TNPO3: variants seen among roughly 807,000 people sequenced by gnomAD.
TNPO3 encodes the protein transportin 3.
Under a neutral mutation model 122.8 loss-of-function variants are expected in TNPO3, and 65 were observed. The ratio of observed to expected loss-of-function variants is 0.53; its 90% confidence interval spans 0.43 to 0.65. The LOEUF (loss-of-function observed/expected upper bound fraction) is 0.65, where lower values mean the gene tolerates loss of function less well. TNPO3 is among the 30% of genes least tolerant of loss of function. The pLI is 0.00. For synonymous variants in TNPO3, 372 were observed against 411.2 expected, an observed-to-expected ratio of 0.90 and a Z score of 1.15; for missense variants, 850 against 1,136.7, an observed-to-expected ratio of 0.75 and a Z score of 3.63.
chr7:129,048,000 T>A (rs1471242605), intron 1 of TNPO3, among the ~76,000 whole-genome samples: 1 of 152,058 alleles, frequency 6.6e-6, no homozygotes, highest in African/African-American at 2.4e-5. Context: ...GTGAGAGAAG[T>A]GCTTGAGCCC....
intron 21 of TNPO3, among the ~76,000 whole-genome samples, chr7:128,962,296 T>C (rs1025294823): frequency 1.1e-4 from 16 of 141,702 alleles, no homozygotes; most frequent in South Asian, 4.4e-4. Flanking sequence ...ACCCGGGAAG[T>C]GGAGCTTGCA....
At chr7:129,001,277 T>C in intron 5 of TNPO3, 43 bp from the exon 6 acceptor site, 2 of 1,558,594 alleles carry the variant, frequency 1.3e-6, no homozygotes, top group Non-Finnish European at 1.8e-6. Flanking sequence ...GTATGATCAC[T>C]AAGGAGTGAT....
intron 4 of TNPO3, among the ~76,000 whole-genome samples, chr7:129,013,904 T>TG (rs112385225): frequency 0.016 from 2,443 of 152,132 alleles, 71 homozygotes; most frequent in African/African-American, 0.057. Flanking sequence ...ACTGCTATGT[T>TG]GGAGTGAAAA....
chr7:128,970,304 GTCT>G lies in TNPO3; in HGVS notation c.2439_2441del (p.Glu813del). 1 of 1,600,230 alleles carries G rather than the reference GTCT, an allele frequency of 6.2e-7. No homozygotes were observed. Among genetic ancestry groups the G allele is most frequent in the East Asian group, 2.2e-5 (1 of 44,608 alleles). On this transcript the variant is annotated inframe_deletion, in exon 20 of 23. Transcript: ENST00000265388. ...CAATCAGTTCTTTCCGTAATTCAAA[GTCT>G]TCTTCATGCTGTATGTAGGAAAGCA...
chr7:128,987,906 T>A (rs963580066), intron 11 of TNPO3, among the ~76,000 whole-genome samples: 1 of 151,692 alleles, frequency 6.6e-6, no homozygotes, highest in African/African-American at 2.4e-5. Context: ...TAAAGGTCAT[T>A]GTGAGTACTT....
At chr7:129,007,357 T>C (rs79495221) in intron 4 of TNPO3, among the ~76,000 whole-genome samples, 9,778 of 152,258 alleles carry the variant, frequency 0.064, 659 homozygotes, top group African/African-American at 0.17. Flanking sequence ...AAGATATGAT[T>C]AATATCAAGG....
At chr7:128,992,631 C>T (rs1419002866) in intron 9 of TNPO3, among the ~76,000 whole-genome samples, 3 of 152,036 alleles carry the variant, frequency 2.0e-5, no homozygotes, top group African/African-American at 7.2e-5. Context: ...TGTTCTGGTC[C>T]ACAATTTCCC....
chr7:129,020,445 T>C (rs1177183135), intron 1 of TNPO3, among the ~76,000 whole-genome samples: 1 of 152,172 alleles, frequency 6.6e-6, no homozygotes, highest in African/African-American at 2.4e-5. Flanking sequence ...TAATATCTTT[T>C]TATTTTATTT....
intron 1 of TNPO3, chr7:129,028,940 G>A: frequency 2.3e-6 from 1 of 438,954 alleles, no homozygotes; most frequent in Non-Finnish European, 4.5e-6. Flanking sequence ...CTTCCTTGAT[G>A]AAGGTTTTAC....
rs754149912 is a variant in TNPO3, at chr7:128,989,947, G to C, written c.1498+14C>G. On this transcript the variant is annotated intron_variant, in intron 11 of 22. Coordinates refer to ENST00000265388, the MANE Select transcript of TNPO3 (RefSeq NM_012470.4). Reference sequence around the variant, plus strand: ...GACAAGTTAGAAGTGGCAGAGGAGAGAGATTACACATACCAAGGAACTGAG... The same window carrying C: ...GACAAGTTAGAAGTGGCAGAGGAGACAGATTACACATACCAAGGAACTGAG... 4 of 1,607,308 alleles carry C rather than the reference G, an allele frequency of 2.5e-6. No homozygotes were observed. In the South Asian group the frequency reaches 3.3e-5, roughly 13 times the overall value.
chr7:128,973,905 G>A (rs1263383848), intron 18 of TNPO3, among the ~76,000 whole-genome samples: 2 of 151,874 alleles, frequency 1.3e-5, no homozygotes, highest in East Asian at 3.9e-4. Flanking sequence ...CAGGTACGGT[G>A]GCTCACGCCT....
intron 4 of TNPO3, among the ~76,000 whole-genome samples, chr7:129,006,162 T>C (rs1259605575): frequency 6.6e-6 from 1 of 152,218 alleles, no homozygotes; most frequent in African/African-American, 2.4e-5. Context: ...GCTATTATTG[T>C]CTCTACTTTC....
intron 1 of TNPO3, among the ~76,000 whole-genome samples, chr7:129,036,583 T>A (rs1033414692): frequency 3.9e-5 from 6 of 152,216 alleles, no homozygotes; most frequent in African/African-American, 1.4e-4. Flanking sequence ...AATGTCAAAT[T>A]TCTTGAGAGT....
intron 21 of TNPO3, 65 bp downstream of exon 21, chr7:128,967,215 T>C: frequency 9.4e-7 from 1 of 1,061,470 alleles, no homozygotes; most frequent in Non-Finnish European, 1.5e-6. Flanking sequence ...CAAGGGCACA[T>C]AAGAAATAAA....
intron 1 of TNPO3, among the ~76,000 whole-genome samples, chr7:129,047,559 T>TAAAAC (rs1808199931): frequency 2.0e-5 from 3 of 152,192 alleles, no homozygotes. Flanking sequence ...AATGGCTGTT[T>TAAAAC]TATACAAATA....
intron 18 of TNPO3, among the ~76,000 whole-genome samples, chr7:128,973,322 T>C (rs1484729557): frequency 1.3e-5 from 2 of 152,170 alleles, no homozygotes; most frequent in South Asian, 2.1e-4. Flanking sequence ...GGTTTCTAAG[T>C]TCCTTTAATA....
Position 128,978,973 on chromosome 7 carries a change from A to G in TNPO3, c.2061+10T>C. The G allele has an allele frequency of 1.9e-6, 3 of 1,613,842 alleles. No individual in the cohort carries two copies. Among genetic ancestry groups the G allele is most frequent in the South Asian group, 1.1e-5 (1 of 91,052 alleles). ...CATGGAACACGTCCCCCCGCAACAGATAACTTTACCTGTGTGACTAGTGGC... is the reference window on the plus strand; with the variant it reads ...CATGGAACACGTCCCCCCGCAACAGGTAACTTTACCTGTGTGACTAGTGGC... On this transcript the variant is annotated intron_variant, in intron 16 of 22. Coordinates refer to ENST00000265388, the MANE Select transcript of TNPO3 (RefSeq NM_012470.4).
chr7:129,028,727 T>C (rs1805558705), intron 1 of TNPO3, among the ~76,000 whole-genome samples: 1 of 152,168 alleles, frequency 6.6e-6, no homozygotes, highest in African/African-American at 2.4e-5. Context: ...TCACTCTCTG[T>C]GGTACCCAGG....
intron 21 of TNPO3, among the ~76,000 whole-genome samples, chr7:128,960,706 A>AT: frequency 6.6e-6 from 1 of 152,040 alleles, no homozygotes; most frequent in Middle Eastern, 3.4e-3. Context: ...GTTAAAAAAA[A>AT]TTTAGTTTAT....
Sources: allele counts gnomAD v4.1 joint callset (sites outside exome capture counted in the v4.1 genomes callset), GRCh38; gene constraint gnomAD v4.1.1; transcripts MANE v1.5; gene names NCBI Gene and HGNC (gene_info 2026-07-23, HGNC 2026-07-21).